LMO7: variants seen among roughly 807,000 people sequenced by gnomAD.
LMO7 encodes LIM domain 7.
LMO7 carries 120 observed loss-of-function variants against 206.5 expected under a neutral mutation model. That is an observed-to-expected ratio of 0.58 (90% CI 0.50 to 0.68). LMO7 has a LOEUF of 0.68. LMO7 is among the 30% of genes least tolerant of loss of function. The probability of loss-of-function intolerance (pLI) is 0.00; values close to 1 mark genes in which losing one functional copy is unlikely to be tolerated. For synonymous variants in LMO7, 706 were observed against 681.5 expected, an observed-to-expected ratio of 1.04 and a Z score of -0.56; for missense variants, 1,959 against 1,957.9, an observed-to-expected ratio of 1.00 and a Z score of -0.01.
chr13:75,718,438 T>C (rs1408646937), intron 2 of LMO7, among the ~76,000 whole-genome samples: 2 of 152,216 alleles, frequency 1.3e-5, no homozygotes, highest in Non-Finnish European at 2.9e-5. Flanking sequence ...GCCAGGTCCC[T>C]CCGTTAGATT....
intron 6 of LMO7, among the ~76,000 whole-genome samples, chr13:75,797,417 T>C (rs1294478677): frequency 6.6e-6 from 1 of 152,212 alleles, no homozygotes; most frequent in Non-Finnish European, 1.5e-5. Flanking sequence ...CAAATCTTCA[T>C]TTATAAGATC....
chr13:75,700,405 T>A (rs944004894), intron 1 of LMO7, among the ~76,000 whole-genome samples: 1 of 152,248 alleles, frequency 6.6e-6, no homozygotes, highest in Non-Finnish European at 1.5e-5. Context: ...TTTGGAGAAC[T>A]AATAAATGTA....
intron 15 of LMO7, among the ~76,000 whole-genome samples, chr13:75,825,988 A>G (rs1322527878): frequency 6.6e-6 from 1 of 151,906 alleles, no homozygotes; most frequent in African/African-American, 2.4e-5. Flanking sequence ...CTCTTCCTCC[A>G]GACTCCCCCT....
intron 27 of LMO7, 58 bp from the exon 28 acceptor site, chr13:75,853,034 A>T: frequency 7.4e-7 from 1 of 1,352,614 alleles, no homozygotes; most frequent in Non-Finnish European, 1.0e-6. Flanking sequence ...ATGATGAATT[A>T]AATAGATTTC....
chr13:75,634,898 C>G (rs1453282700), upstream of LMO7, among the ~76,000 whole-genome samples: 1 of 151,824 alleles, frequency 6.6e-6, no homozygotes, highest in Non-Finnish European at 1.5e-5. Context: ...CCCAGCTGCT[C>G]GAGAGGCTAA....
chr13:75,648,712 C>T (rs944284833), intron 1 of LMO7, among the ~76,000 whole-genome samples: 2 of 152,194 alleles, frequency 1.3e-5, no homozygotes, highest in Non-Finnish European at 2.9e-5. Context: ...GCCTTAGAGA[C>T]AGTGTGTGTG....
At chr13:75,745,036 A>T (rs1192254345) in intron 3 of LMO7, among the ~76,000 whole-genome samples, 1 of 152,202 alleles carries the variant, frequency 6.6e-6, no homozygotes, top group African/African-American at 2.4e-5. Context: ...AAACAATGTG[A>T]ATAAAGAATG....
chr13:75,711,333 T>G (rs1257422125), intron 1 of LMO7, among the ~76,000 whole-genome samples: 1 of 152,214 alleles, frequency 6.6e-6, no homozygotes, highest in East Asian at 1.9e-4. Context: ...TAGGGAGGAC[T>G]CCCTCTTTTT....
At chr13:75,716,194 T>C (rs1163568800) in intron 2 of LMO7, among the ~76,000 whole-genome samples, 1 of 152,210 alleles carries the variant, frequency 6.6e-6, no homozygotes, top group East Asian at 1.9e-4. Flanking sequence ...AGTAGTACTC[T>C]TTCCTTTTGA....
chr13:75,807,411 G>A lies in LMO7; in HGVS notation c.1197-69G>A, dbSNP rs751382744. The A allele has an allele frequency of 1.7e-4, 251 of 1,519,362 alleles. 3 individuals carry two copies. Among genetic ancestry groups the A allele is most frequent in the South Asian group, 9.2e-4 (72 of 78,106 alleles). The allele number at this position is 1,519,362 out of a possible 1,614,324, so 94.1% of individuals were successfully genotyped here. A position where few individuals can be genotyped will look rare whatever the true frequency, so the allele number is the denominator to read the frequency against. On this transcript the variant is annotated intron_variant, in intron 9 of 30. Coordinates refer to ENST00000377534, the MANE Select transcript of LMO7 (RefSeq NM_001306080.2). ...GTCTGCTAATCACCTTTGGCTAGTC[G>A]ATCTGCTAATTACCTTTTCTCCCTA...
chr13:75,671,903 C>T lies in LMO7; in HGVS notation c.69+35177C>T, dbSNP rs530652729. ...GTTGTCACTGCTTGGTGAGAAAGTACAGGTCAACTGTGCATGGTAAATAAA... is the reference window on the plus strand; with the variant it reads ...GTTGTCACTGCTTGGTGAGAAAGTATAGGTCAACTGTGCATGGTAAATAAA... On this transcript the variant is annotated intron_variant, in intron 1 of 30. Coordinates refer to ENST00000377534, the MANE Select transcript of LMO7 (RefSeq NM_001306080.2). Among the ~76,000 whole-genome samples the T allele has an allele frequency of 2.0e-5, 3 of 152,184 alleles. No homozygotes were observed. In the South Asian group the frequency reaches 6.2e-4, roughly 32 times the overall value.
chr13:75,676,258 T>C (rs978537969), intron 1 of LMO7, among the ~76,000 whole-genome samples: 28 of 152,208 alleles, frequency 1.8e-4, no homozygotes, highest in Non-Finnish European at 4.0e-4. Flanking sequence ...TTTAAGTATG[T>C]GCCTCTCTCC....
chr13:75,783,629 A>C (rs2051918941), intron 4 of LMO7, among the ~76,000 whole-genome samples: 1 of 152,174 alleles, frequency 6.6e-6, no homozygotes, highest in South Asian at 2.1e-4. Context: ...GGCCAGATAC[A>C]TCATTTCCTG....
At chr13:75,707,504 T>C (rs1234461734) in intron 1 of LMO7, among the ~76,000 whole-genome samples, 2 of 152,128 alleles carry the variant, frequency 1.3e-5, no homozygotes, top group African/African-American at 2.4e-5. Flanking sequence ...TGCTATTTAT[T>C]CTACAGAACG....
chr13:75,777,413 C>T (rs1428888801), intron 4 of LMO7, among the ~76,000 whole-genome samples: 1 of 152,102 alleles, frequency 6.6e-6, no homozygotes, highest in Non-Finnish European at 1.5e-5. Context: ...TTCCCAGCCA[C>T]GGTATATTTT....
intron 11 of LMO7, among the ~76,000 whole-genome samples, chr13:75,813,559 GT>G: frequency 6.6e-6 from 1 of 152,232 alleles, no homozygotes; most frequent in East Asian, 1.9e-4. Flanking sequence ...CTTGATGTGG[GT>G]AACTTTTTGT....
At chr13:75,703,443 C>T (rs189641772) in intron 1 of LMO7, among the ~76,000 whole-genome samples, 6 of 152,200 alleles carry the variant, frequency 3.9e-5, no homozygotes, top group Admixed American at 6.5e-5. Flanking sequence ...ATGCTCAATG[C>T]GCTGATATAT....
At chr13:75,789,520 G>A (rs2052949434) in intron 4 of LMO7, among the ~76,000 whole-genome samples, 2 of 152,152 alleles carry the variant, frequency 1.3e-5, no homozygotes, top group Admixed American at 6.5e-5. Context: ...TCTTGGCCCC[G>A]ATCTGCGGAG....
At chr13:75,838,230 A>G (rs1205527040) in intron 20 of LMO7, 34 bp downstream of exon 20, 1 of 1,569,702 alleles carries the variant, frequency 6.4e-7, no homozygotes, top group South Asian at 1.1e-5. Context: ...ATGCACTTTC[A>G]TGGAATTGTT....
Sources: gnomAD v4.1 joint callset for allele counts (sites outside exome capture counted in the v4.1 genomes callset) on GRCh38, gnomAD v4.1.1 for gene constraint, MANE v1.5 for transcripts, NCBI Gene and HGNC (gene_info 2026-07-23, HGNC 2026-07-21) for gene names.